The following KIF11 variants were observed in gnomAD, a reference collection of about 807,000 sequenced individuals.
The protein encoded by KIF11 is kinesin family member 11.
Under a neutral mutation model 121.0 loss-of-function variants are expected in KIF11, and 9 were observed. The ratio of observed to expected loss-of-function variants is 0.07; its 90% CI spans 0.04 to 0.13. KIF11 has a LOEUF of 0.13. KIF11 is among the 10% of genes least tolerant of loss of function. The probability of loss-of-function intolerance (pLI) is 1.00; values close to 1 mark genes in which losing one functional copy is unlikely to be tolerated. For missense variants in KIF11, 846 were observed against 1,217.5 expected (o/e 0.69, Z 4.54); for synonymous variants, 408 against 421.0 (o/e 0.97, Z 0.38).
intron 1 of KIF11, among the ~76,000 whole-genome samples, chr10:92,605,189 C>T (rs1844414861): frequency 2.0e-5 from 3 of 152,084 alleles, no homozygotes; most frequent in African/African-American, 4.8e-5. Context: ...CAGGCATTTC[C>T]GTAGAATGAG....
intron 8 of KIF11, among the ~76,000 whole-genome samples, chr10:92,615,182 T>C (rs1844540682): frequency 6.6e-6 from 1 of 151,868 alleles, no homozygotes; most frequent in South Asian, 2.1e-4. Flanking sequence ...GGTGAGTGGA[T>C]CATCTGAGCT....
Position 92,650,520 on chromosome 10 carries a change from A to T in KIF11, c.3039+3A>T. 1 of 1,486,840 alleles carries T rather than the reference A, an allele frequency of 6.7e-7. No individual in the cohort carries two copies. Among genetic ancestry groups the T allele is most frequent in the East Asian group, 2.3e-5 (1 of 44,234 alleles). The allele number at this position is 1,486,840 out of a possible 1,614,324, so 92.1% of individuals were successfully genotyped here. A position where few individuals can be genotyped will look rare whatever the true frequency, so the allele number is the denominator to read the frequency against. ...TTGGCGGGGTTCCATTTTTCCAGGTATGTCATATCAGATAACCCTTCCACA... is the reference window on the plus strand; with the variant it reads ...TTGGCGGGGTTCCATTTTTCCAGGTTTGTCATATCAGATAACCCTTCCACA... On this transcript the variant is annotated splice_donor_region_variant and intron_variant, in intron 21 of 21. Coordinates refer to ENST00000260731, the MANE Select transcript of KIF11 (RefSeq NM_004523.4).
chr10:92,648,123 T>C, intron 18 of KIF11, 89 bp from the exon 19 acceptor site: 1 of 857,158 alleles, frequency 1.2e-6, no homozygotes, highest in Non-Finnish European at 1.7e-6. Context: ...AAAAAAAAAA[T>C]TATGGAAAAG....
Position 92,607,165 on chromosome 10 carries a change from C to A in KIF11, c.315C>A (p.Gly105=). The part of the protein sequence containing the change: ...MGYNCTIFAY[G]QTGTGKTFTM... ...CACTTGTTAATCTTTACAGGTATGGCCAAACTGGCACTGGAAAAACTTTTA... is the reference window on the plus strand; with the variant it reads ...CACTTGTTAATCTTTACAGGTATGGACAAACTGGCACTGGAAAAACTTTTA... Residue 105 remains glycine, a synonymous_variant, in exon 4 of 22, where the codon GGC becomes GGA. Coordinates refer to ENST00000260731, the MANE Select transcript of KIF11 (RefSeq NM_004523.4). The A allele has an allele frequency of 1.2e-6, 2 of 1,600,352 alleles. No homozygotes were observed. Among genetic ancestry groups the A allele is most frequent in the East Asian group, 2.2e-5 (1 of 44,804 alleles).
chr10:92,630,440 A>T, intron 12 of KIF11, 76 bp downstream of exon 12: 1 of 793,182 alleles, frequency 1.3e-6, no homozygotes, highest in Non-Finnish European at 1.9e-6. Flanking sequence ...TTAAGCATTA[A>T]ATATTCTGTT....
intron 14 of KIF11, 83 bp downstream of exon 14, chr10:92,633,878 A>T (rs1844764841): frequency 1.1e-6 from 1 of 888,682 alleles, no homozygotes; most frequent in Non-Finnish European, 1.7e-6. Flanking sequence ...ACATTTGATA[A>T]GTCTTTATAA....
In KIF11 at chr10:92,643,555, A is replaced by ATTTTT. The variant is rs368633432; in HGVS notation, c.2268-1793_2268-1789dup. Among the ~76,000 whole-genome samples the ATTTTT allele has an allele frequency of 4.8e-4, 59 of 123,448 alleles. 1 individual carries two copies. Among genetic ancestry groups the ATTTTT allele is most frequent in the African/African-American group, 1.8e-3 (55 of 30,570 alleles). The allele number at this position is 123,448 out of a possible 152,430, so 81.0% of individuals were successfully genotyped here. A position where few individuals can be genotyped will look rare whatever the true frequency, so the allele number is the denominator to read the frequency against. On this transcript the variant is annotated intron_variant, in intron 17 of 21. Coordinates refer to ENST00000260731, the MANE Select transcript of KIF11 (RefSeq NM_004523.4). ...TTTTCTTTTTTAATGTATCTACTAG[A>ATTTTT]TTTTTTTTTTTTTTTTTTTGAGAGG... is the stretch of plus-strand genomic sequence containing the variant.
In KIF11 at chr10:92,645,634, T is replaced by A. The variant is rs1256697271; in HGVS notation, c.2539T>A (p.Leu847Ile). ...TGAAAGGGAACAGGAACTTCACAAC[T>A]TATTGGAGGTAATAACTTTGTAAGT... ...LNEREQELHN[L>I]LEVVSQCCEA... The change falls in exon 18 of 22, where the codon TTA becomes ATA. Residue 847 changes from leucine (L) to isoleucine (I), a missense_variant. By Grantham distance (5) the Leu-to-Ile change is conservative. Transcript: ENST00000260731. 6.3e-7 allele frequency: 1 copy of A among 1,582,728 alleles called. No homozygotes were observed. Among genetic ancestry groups the A allele is most frequent in the Non-Finnish European group, 8.6e-7 (1 of 1,165,318 alleles).
intron 1 of KIF11, among the ~76,000 whole-genome samples, chr10:92,597,993 C>T (rs545037994): frequency 5.9e-5 from 9 of 152,096 alleles, no homozygotes; most frequent in Non-Finnish European, 1.3e-4. Context: ...TGCTTTATTG[C>T]CCAGACTTGT....
chr10:92,653,409 A>G (rs552058815), intron 21 of KIF11, among the ~76,000 whole-genome samples: 1 of 152,306 alleles, frequency 6.6e-6, no homozygotes, highest in East Asian at 1.9e-4. Flanking sequence ...CTGGAGTAAA[A>G]TCTATAACTA....
chr10:92,621,647 A>C (rs1400067505), intron 10 of KIF11, among the ~76,000 whole-genome samples, 174 bp downstream of exon 10: 1 of 149,428 alleles, frequency 6.7e-6, no homozygotes, highest in Non-Finnish European at 1.5e-5. Flanking sequence ...TGTCACCCAG[A>C]CTGGAGCACA....
intron 12 of KIF11, among the ~76,000 whole-genome samples, chr10:92,631,982 G>A (rs1360731581): frequency 1.3e-5 from 2 of 152,076 alleles, no homozygotes; most frequent in African/African-American, 4.8e-5. Context: ...GCCATTAGGT[G>A]TACTTCTGAG....
chr10:92,598,711 T>C (rs972713960), intron 1 of KIF11, among the ~76,000 whole-genome samples: 1 of 152,210 alleles, frequency 6.6e-6, no homozygotes, highest in African/African-American at 2.4e-5. Flanking sequence ...ATTAAGTCTT[T>C]CAGTTCATGA....
chr10:92,624,981 G>C (rs1844656855), intron 10 of KIF11, among the ~76,000 whole-genome samples: 1 of 151,982 alleles, frequency 6.6e-6, no homozygotes, highest in Non-Finnish European at 1.5e-5. Flanking sequence ...TGTTGGCCAG[G>C]CTGGTCTCGA....
chr10:92,633,903 T>C (rs1184961370), intron 14 of KIF11, 108 bp downstream of exon 14: 1 of 698,352 alleles, frequency 1.4e-6, no homozygotes, highest in Non-Finnish European at 2.4e-6. Context: ...TGTTAACTGC[T>C]ATTCTTTCTT....
intron 17 of KIF11, among the ~76,000 whole-genome samples, chr10:92,642,918 A>T (rs1844880218): frequency 6.6e-6 from 1 of 151,910 alleles, no homozygotes; most frequent in Admixed American, 6.6e-5. Flanking sequence ...TTTTATTTTT[A>T]TTTATTTATT....
intron 19 of KIF11, 134 bp from the exon 20 acceptor site, chr10:92,649,701 A>C (rs1043972177): frequency 1.7e-6 from 1 of 592,914 alleles, no homozygotes; most frequent in Non-Finnish European, 3.0e-6. Flanking sequence ...ACAGGTAGCA[A>C]GACTGATCCT....
chr10:92,598,695 A>C (rs1444230644), intron 1 of KIF11, among the ~76,000 whole-genome samples: 1 of 152,208 alleles, frequency 6.6e-6, no homozygotes, highest in Non-Finnish European at 1.5e-5. Flanking sequence ...TTGGCATCTT[A>C]ACAATATTAA....
intron 9 of KIF11, among the ~76,000 whole-genome samples, chr10:92,619,224 G>A (rs1049113908): frequency 2.0e-5 from 3 of 151,996 alleles, no homozygotes; most frequent in East Asian, 1.9e-4. Context: ...CACCATGTTC[G>A]CCAGGCTGGG....
Sources: allele counts gnomAD v4.1 joint callset (sites outside exome capture counted in the v4.1 genomes callset), GRCh38; gene constraint gnomAD v4.1.1; transcripts MANE v1.5; gene names NCBI Gene and HGNC (gene_info 2026-07-23, HGNC 2026-07-21).